FRZB: variants seen among roughly 807,000 people sequenced by gnomAD.
FRZB encodes secreted frizzled-related protein 3.
A neutral mutation model predicts 32.5 loss-of-function variants in FRZB; 34 were observed. The observed-to-expected ratio is 1.05, with a 90% CI of 0.80 to 1.39. The LOEUF (loss-of-function observed/expected upper bound fraction) is 1.39. Ranked by LOEUF, FRZB falls within the 40% of genes most tolerant of loss-of-function variation. The pLI, the probability that FRZB is intolerant of heterozygous loss-of-function variation, is 0.00. For synonymous variants in FRZB, 170 were observed against 159.2 expected, an observed-to-expected ratio of 1.07 and a Z score of -0.51; for missense variants, 423 against 424.8, an observed-to-expected ratio of 1.00 and a Z score of 0.04.
chr2:182,858,688 T>C lies in FRZB; in HGVS notation c.526+98A>G, dbSNP rs1020137911. On this transcript the variant is annotated intron_variant, in intron 2 of 5. Coordinates refer to ENST00000295113, the MANE Select transcript of FRZB (RefSeq NM_001463.4). ...TTTTAAAAAGTTTACTTGTAAAATG[T>C]AGGGCACAAGCTTCCCCATGAATGA... 4 of 783,056 alleles carry C rather than the reference T, an allele frequency of 5.1e-6. No individual in the cohort carries two copies. In the African/African-American group the frequency reaches 5.2e-5, roughly 10 times the overall value. 48.5% of individuals were successfully genotyped at this position (783,056 alleles called of 1,614,324 possible).
rs1341106265 is a variant in FRZB at position 182,834,845 on chromosome 2, G to A, written c.*4C>T. 6.2e-7 allele frequency: 1 copy of A among 1,605,602 alleles called. No homozygotes were observed. Among genetic ancestry groups the A allele is most frequent in the East Asian group, 2.2e-5 (1 of 44,844 alleles). The stretch of plus-strand genomic sequence containing the variant: ...CCACTGTGTTACTTTTTGTATTTCG[G>A]GATTTAGTTGCGTGCTTGCCGGGGG... On this transcript the variant is annotated 3_prime_UTR_variant, in exon 6 of 6. Transcript: ENST00000295113.
At position 182,865,145 on chromosome 2, in the gene FRZB, CTG is replaced by C. The variant is rs544985746; in HGVS notation, c.478+928_478+929del. 1.7e-4 allele frequency among the ~76,000 whole-genome samples: 26 copies of C among 152,068 alleles called. 1 individual carries two copies. The South Asian group carries it at 5.2e-3, about 30-fold the overall frequency. ...TTATGGTAGGGAAAGACTGAAATGA[CTG>C]TGGTTGGTGCACACACGGAAAAGGA... is the stretch of plus-strand genomic sequence containing the variant. On this transcript the variant is annotated intron_variant, in intron 1 of 5. Coordinates refer to ENST00000295113, the MANE Select transcript of FRZB (RefSeq NM_001463.4).
intron 5 of FRZB, among the ~76,000 whole-genome samples, chr2:182,836,205 AATAATGTTTCTT>A (rs1366627750): frequency 6.6e-6 from 1 of 152,082 alleles, no homozygotes; most frequent in Non-Finnish European, 1.5e-5. Flanking sequence ...AAAAAAACAT[AATAATGTTTCTT>A]ATAAAATTAT....
At chr2:182,840,264 C>A (rs1180244487) in intron 3 of FRZB, among the ~76,000 whole-genome samples, 1 of 152,076 alleles carries the variant, frequency 6.6e-6, no homozygotes, top group African/African-American at 2.4e-5. Context: ...AAATTCACAA[C>A]CCCAGCTAGC....
At chr2:182,838,973 T>G (rs781410995) in intron 3 of FRZB, among the ~76,000 whole-genome samples, 47 of 152,280 alleles carry the variant, frequency 3.1e-4, no homozygotes, top group South Asian at 1.0e-3. Context: ...TATATGCATG[T>G]GCAGTTCCAA....
intron 2 of FRZB, among the ~76,000 whole-genome samples, chr2:182,854,386 C>T (rs917726412): frequency 1.3e-5 from 2 of 152,090 alleles, no homozygotes; most frequent in East Asian, 1.9e-4. Flanking sequence ...AACTCTAAAA[C>T]GTAATACAAG....
At chr2:182,842,663 T>C in intron 2 of FRZB, 120 bp from the exon 3 acceptor site, 1 of 679,432 alleles carries the variant, frequency 1.5e-6, no homozygotes, top group Non-Finnish European at 2.6e-6. Flanking sequence ...CTCTTGTCAA[T>C]TCTGTGTGTC....
chr2:182,845,128 G>A (rs1382222490), intron 2 of FRZB, among the ~76,000 whole-genome samples: 1 of 151,926 alleles, frequency 6.6e-6, no homozygotes, highest in East Asian at 1.9e-4. Context: ...TCATGAAAAG[G>A]GTATCTTAGA....
rs771364457 is a variant in FRZB at position 182,866,596 on chromosome 2, CA to C, written c.-45del. ...CAGGGTGCAGCCGCGCAGTGGACGC[CA>C]AAAGGCCCGCTCCGCCGTCTCCGCC... On this transcript the variant is annotated 5_prime_UTR_variant, in exon 1 of 6. Transcript: ENST00000295113. This position sits in a 1 kb window ranked among gnomAD's most constrained non-coding sequence, Gnocchi z 4.5. The C allele has an allele frequency of 1.1e-5, 14 of 1,326,976 alleles. No individual in the cohort carries two copies. In the East Asian group the frequency reaches 3.3e-4, roughly 32 times the overall value. The allele number at this position is 1,326,976 out of a possible 1,614,324, so 82.2% of individuals were successfully genotyped here.
At chr2:182,850,378 C>T (rs926927161) in intron 2 of FRZB, among the ~76,000 whole-genome samples, 3 of 152,166 alleles carry the variant, frequency 2.0e-5, no homozygotes, top group East Asian at 3.9e-4. Flanking sequence ...CCCTCCTCCA[C>T]GCTACCATTC....
chr2:182,833,345 T>C lies in FRZB; in HGVS notation c.*1504A>G, dbSNP rs778720984. The stretch of plus-strand genomic sequence containing the variant: ...AATTTGGTTCTACTAATAGCACACA[T>C]GTAAATGGCAGAGAATGAAACTTTC... On this transcript the variant is annotated 3_prime_UTR_variant, in exon 6 of 6. Transcript: ENST00000295113. 2.1e-4 allele frequency: 32 copies of C among 152,170 alleles called. No individual in the cohort carries two copies. Among genetic ancestry groups the C allele is most frequent in the African/African-American group, 7.7e-4 (32 of 41,458 alleles). 9.4% of individuals were successfully genotyped at this position (152,170 alleles called of 1,614,324 possible).
chr2:182,842,396 T>C lies in FRZB; in HGVS notation c.592+82A>G, dbSNP rs1220750032. On this transcript the variant is annotated intron_variant, in intron 3 of 5. Transcript: ENST00000295113. ...TTATTCTTAAATGGCTCCACTCGTTTACATGTGCACATCCTCATAGGTGCA... is the reference window on the plus strand; with the variant it reads ...TTATTCTTAAATGGCTCCACTCGTTCACATGTGCACATCCTCATAGGTGCA... The C allele has an allele frequency of 4.2e-6, 4 of 963,132 alleles. No individual in the cohort carries two copies. In the African/African-American group the frequency reaches 6.5e-5, roughly 16 times the overall value. 59.7% of individuals were successfully genotyped at this position (963,132 alleles called of 1,614,324 possible).
rs187093208 is a variant in FRZB at position 182,861,675 on chromosome 2, T to C, written c.479-2842A>G. Among the ~76,000 whole-genome samples the C allele has an allele frequency of 2.6e-5, 4 of 152,352 alleles. No individual in the cohort carries two copies. In the East Asian group the frequency reaches 7.7e-4, roughly 29 times the overall value. On this transcript the variant is annotated intron_variant, in intron 1 of 5. Coordinates refer to ENST00000295113, the MANE Select transcript of FRZB (RefSeq NM_001463.4). Reference sequence around the variant, plus strand: ...TGGTTTTCTCTAAATTGAGGAGATGTAGCCAATTCTTAATTATTCAAAACT... The same window carrying C: ...TGGTTTTCTCTAAATTGAGGAGATGCAGCCAATTCTTAATTATTCAAAACT...
In FRZB at chr2:182,834,784, C is replaced by T. The variant is rs1695504675; in HGVS notation, c.*65G>A. 4 of 1,118,480 alleles carry T rather than the reference C, an allele frequency of 3.6e-6. No individual in the cohort carries two copies. The highest frequency in any genetic ancestry group is 2.5e-5 in the South Asian group (2 of 81,062). 69.3% of individuals were successfully genotyped at this position (1,118,480 alleles called of 1,614,324 possible). A position where few individuals can be genotyped will look rare whatever the true frequency, so the allele number is the denominator to read the frequency against. ...TGTGCAATAGTGCAATTTTCCTTTG[C>T]TAGTCCAGCAATGCAAGTAAGTCTT... On this transcript the variant is annotated 3_prime_UTR_variant, in exon 6 of 6. Transcript: ENST00000295113.
intron 5 of FRZB, among the ~76,000 whole-genome samples, chr2:182,837,097 CTT>C (rs1695534841): frequency 6.7e-6 from 1 of 149,878 alleles, no homozygotes; most frequent in African/African-American, 2.5e-5. Flanking sequence ...CCCACACATC[CTT>C]TGAGATTTTT....
intron 2 of FRZB, among the ~76,000 whole-genome samples, chr2:182,857,865 A>T (rs1330819115): frequency 1.3e-5 from 2 of 152,198 alleles, no homozygotes; most frequent in Non-Finnish European, 2.9e-5. Context: ...CATTTTACCA[A>T]AAAGCATATA....
At chr2:182,858,740 C>A in intron 2 of FRZB, 46 bp downstream of exon 2, 1 of 1,464,776 alleles carries the variant, frequency 6.8e-7, no homozygotes, top group East Asian at 2.3e-5. Flanking sequence ...ACATCAATGA[C>A]TAATCTGACC....
Position 182,866,558 on chromosome 2 carries a change from C to T in FRZB, c.-6G>A. On this transcript the variant is annotated 5_prime_UTR_variant, in exon 1 of 6. Coordinates refer to ENST00000295113, the MANE Select transcript of FRZB (RefSeq NM_001463.4). The surrounding 1 kb of genome is among the most constrained non-coding windows in gnomAD (Gnocchi z 4.5). Reference sequence around the variant, plus strand: ...CCCGGGCTGCCGCAGACCATGATCCCGGCAGGATGGGGCAGGGTGCAGCCG... The same window carrying T: ...CCCGGGCTGCCGCAGACCATGATCCTGGCAGGATGGGGCAGGGTGCAGCCG... 1 of 1,446,496 alleles carries T rather than the reference C, an allele frequency of 6.9e-7. No homozygotes were observed. Among genetic ancestry groups the T allele is most frequent in the Non-Finnish European group, 9.1e-7 (1 of 1,102,652 alleles). 89.6% of individuals were successfully genotyped at this position (1,446,496 alleles called of 1,614,324 possible).
chr2:182,866,077 G>T lies in FRZB; in HGVS notation c.476C>A (p.Ala159Asp). 6.2e-7 allele frequency: 1 copy of T among 1,606,554 alleles called. No individual in the cohort carries two copies. The highest frequency in any genetic ancestry group is 8.5e-7 in the Non-Finnish European group (1 of 1,174,752). ...GGGTGGGCCGTGTCAAAACTCACCA[G>T]CTCCGTCCGCAGTAACGATGGCCTC... ...SPEAIVTADG[A>D]DFPMDSSNGN... Residue 159 changes from alanine (A) to aspartate (D), a missense_variant and splice_region_variant, in exon 1 of 6, where the codon GCT becomes GAT. By Grantham distance (126) the Ala-to-Asp change is moderately radical. Coordinates refer to ENST00000295113, the MANE Select transcript of FRZB (RefSeq NM_001463.4). This position sits in a 1 kb window ranked among gnomAD's most constrained non-coding sequence, Gnocchi z 4.5.
Sources: allele counts gnomAD v4.1 joint callset (sites outside exome capture counted in the v4.1 genomes callset), GRCh38; gene constraint gnomAD v4.1.1; non-coding constraint Gnocchi (gnomAD v3.1); transcripts MANE v1.5; gene names NCBI Gene and HGNC (gene_info 2026-07-23, HGNC 2026-07-21).